ZC3H4: variants seen among roughly 807,000 people sequenced by gnomAD.
The protein encoded by ZC3H4 is zinc finger CCCH domain-containing protein 4.
A neutral mutation model predicts 108.3 loss-of-function variants in ZC3H4; 13 were observed. The observed-to-expected ratio is 0.12, with a 90% CI of 0.08 to 0.19. The LOEUF (loss-of-function observed/expected upper bound fraction) is 0.19, where lower values mean the gene tolerates loss of function less well. ZC3H4 is among the 10% of genes least tolerant of loss of function. The pLI is 1.00. For synonymous variants in ZC3H4, 917 were observed against 749.6 expected, an observed-to-expected ratio of 1.22 and a Z score of -3.65; for missense variants, 1,734 against 1,838.8, an observed-to-expected ratio of 0.94 and a Z score of 1.04.
intron 11 of ZC3H4, among the ~76,000 whole-genome samples, chr19:47,076,426 G>A (rs1305531325): frequency 1.3e-5 from 2 of 152,228 alleles, no homozygotes; most frequent in Non-Finnish European, 2.9e-5. Context: ...GACAGACCCT[G>A]ATCCACGGTT....
rs987484688 is a variant in ZC3H4 at position 47,086,530 on chromosome 19, CTCGGCT to C, written c.718_723del (p.Ser240_Arg241del). ...CGGCCCCTGTAGCCCCGGCCCCGGC[CTCGGCT>C]GCCTGCATGGAGATTCAGATAGTGA... On this transcript the variant is annotated inframe_deletion and splice_region_variant, in exon 6 of 15. Coordinates refer to ENST00000253048, the MANE Select transcript of ZC3H4 (RefSeq NM_015168.2). 6 of 1,587,800 alleles carry C rather than the reference CTCGGCT, an allele frequency of 3.8e-6. No individual in the cohort carries two copies. Among genetic ancestry groups the C allele is most frequent in the Non-Finnish European group, 5.1e-6 (6 of 1,173,634 alleles).
At chr19:47,073,140 G>A (rs1406599511) in intron 11 of ZC3H4, among the ~76,000 whole-genome samples, 1 of 151,906 alleles carries the variant, frequency 6.6e-6, no homozygotes, top group Non-Finnish European at 1.5e-5. Context: ...AGGCATGGTA[G>A]TGCACGCCTG....
Position 47,112,439 on chromosome 19 carries a change from G to A in ZC3H4, c.146C>T (p.Pro49Leu), listed in dbSNP as rs1240623298. ...GGGGCCTGACCTGTCGTCAGGGAGC[G>A]GGAGGCGGTGGTGGAGGAGGTGCGG... is the stretch of plus-strand genomic sequence containing the variant. Reference protein sequence around the residue: ...ATPHLLHHRLPLPDDREDGEL... With the variant: ...ATPHLLHHRLLLPDDREDGEL... Residue 49 changes from proline to leucine, a missense_variant, in exon 2 of 15, where the codon CCG (proline) becomes CTG (leucine). Coordinates refer to ENST00000253048, the MANE Select transcript of ZC3H4 (RefSeq NM_015168.2). 4.9e-6 allele frequency: 6 copies of A among 1,236,692 alleles called. No individual in the cohort carries two copies. The highest frequency in any genetic ancestry group is 1.6e-5 in the African/African-American group (1 of 64,348). The allele number at this position is 1,236,692 out of a possible 1,614,324, so 76.6% of individuals were successfully genotyped here. A position where few individuals can be genotyped will look rare whatever the true frequency, so the allele number is the denominator to read the frequency against.
At chr19:47,081,776 G>A (rs1287031752) in intron 10 of ZC3H4, among the ~76,000 whole-genome samples, 154 bp from the exon 11 acceptor site, 1 of 152,126 alleles carries the variant, frequency 6.6e-6, no homozygotes, top group African/African-American at 2.4e-5. Context: ...CAGTGGGTTG[G>A]CAGGAAATCC....
chr19:47,086,013 G>A (rs184329365), intron 6 of ZC3H4, among the ~76,000 whole-genome samples: 5 of 152,072 alleles, frequency 3.3e-5, no homozygotes, highest in East Asian at 3.9e-4. Flanking sequence ...GACTACAGGC[G>A]CGTGCTACCA....
At chr19:47,087,899 C>T (rs1255811404) in intron 5 of ZC3H4, among the ~76,000 whole-genome samples, 1 of 151,828 alleles carries the variant, frequency 6.6e-6, no homozygotes, top group Middle Eastern at 3.2e-3. Context: ...ATAGGCTGGG[C>T]GCGGTGGCTC....
intron 2 of ZC3H4, among the ~76,000 whole-genome samples, chr19:47,108,850 C>A (rs1600117179): frequency 6.6e-6 from 1 of 151,898 alleles, no homozygotes; most frequent in South Asian, 2.1e-4. Flanking sequence ...TTTGGGGAAC[C>A]GCATTTTTTT....
chr19:47,105,668 A>C (rs529047308), intron 2 of ZC3H4, among the ~76,000 whole-genome samples: 9 of 152,184 alleles, frequency 5.9e-5, no homozygotes, highest in Non-Finnish European at 1.3e-4. Context: ...CTTTGGCCCG[A>C]GAATCATAGT....
intron 2 of ZC3H4, chr19:47,112,196 A>C: frequency 8.4e-7 from 1 of 1,192,146 alleles, no homozygotes; most frequent in Non-Finnish European, 1.0e-6. Flanking sequence ...AGCGAGGGAG[A>C]GCGGGCGAGC....
Position 47,067,774 on chromosome 19 carries a change from G to T in ZC3H4, c.2494C>A (p.Pro832Thr), listed in dbSNP as rs1315354588. Reference protein sequence around the residue: ...KTLRQQTSSRPPASVGELSSS... With the variant: ...KTLRQQTSSRTPASVGELSSS... ...CTCAGCTCCCCAACTGAAGCCGGGGGTCGGCTGGACGTCTGCTGCCTCAAG... is the reference window on the plus strand; with the variant it reads ...CTCAGCTCCCCAACTGAAGCCGGGGTTCGGCTGGACGTCTGCTGCCTCAAG... The change falls in exon 15 of 15, where the codon CCC becomes ACC. Residue 832 changes from proline to threonine, a missense_variant. By Grantham distance (38) the Pro-to-Thr change is conservative. Around this residue, in one of 9 missense-constraint regions of ZC3H4, gnomAD observed 540 missense variants for 484.1 expected, o/e 1.12. Transcript: ENST00000253048. This position sits in a 1 kb window ranked among gnomAD's most constrained non-coding sequence, Gnocchi z 6.4. 7 of 1,609,470 alleles carry T rather than the reference G, an allele frequency of 4.3e-6. No homozygotes were observed. The highest frequency in any genetic ancestry group is 1.3e-5 in the African/African-American group (1 of 74,892).
chr19:47,072,062 G>A lies in ZC3H4; in HGVS notation c.1862C>T (p.Pro621Leu), dbSNP rs941645888. Residue 621 changes from proline (P) to leucine (L), a missense_variant, in exon 13 of 15, where the codon CCA (proline) becomes CTA (leucine). Transcript: ENST00000253048. This position sits in a 1 kb window ranked among gnomAD's most constrained non-coding sequence, Gnocchi z 5.6. ...PMGPGPNMGP[P>L]GPMGGPMHPD... ...ATGCATTGGACCGCCCATTGGCCCT[G>A]GGGGTCCCATGTTGGGCCCAGGGCC... is the stretch of plus-strand genomic sequence containing the variant. The A allele has an allele frequency of 5.1e-6, 8 of 1,581,684 alleles. No homozygotes were observed. Among genetic ancestry groups the A allele is most frequent in the Non-Finnish European group, 6.9e-6 (8 of 1,163,818 alleles).
intron 5 of ZC3H4, among the ~76,000 whole-genome samples, chr19:47,088,635 G>C (rs942481069): frequency 1.3e-5 from 2 of 151,834 alleles, no homozygotes; most frequent in African/African-American, 4.8e-5. Flanking sequence ...TCCAGGATGG[G>C]TGACAGAGCA....
intron 4 of ZC3H4, among the ~76,000 whole-genome samples, chr19:47,090,826 C>A (rs1011469810): frequency 3.9e-5 from 6 of 152,090 alleles, no homozygotes; most frequent in African/African-American, 1.4e-4. Context: ...GTATCAATAC[C>A]GGCTCATCAA....
intron 2 of ZC3H4, chr19:47,112,081 C>G (rs1033911163): frequency 7.2e-5 from 72 of 1,003,908 alleles, no homozygotes; most frequent in Non-Finnish European, 8.2e-5. Flanking sequence ...CTCCGCAGCA[C>G]CCCCCACGGC....
chr19:47,110,560 A>G (rs1056948349), intron 2 of ZC3H4, among the ~76,000 whole-genome samples: 1 of 152,216 alleles, frequency 6.6e-6, no homozygotes, highest in South Asian at 2.1e-4. Context: ...ACTTTGGTCT[A>G]AAGGCGAGGA....
At position 47,084,379 on chromosome 19, in the gene ZC3H4, A is replaced by G. The variant is rs768796436; in HGVS notation, c.1184T>C (p.Ile395Thr). ...GCGCCCTTCCACGAAGTACTTGCAA[A>G]TGACTTTGCCTTTCTTGTCCGACTG... is the stretch of plus-strand genomic sequence containing the variant. ...HQQSDKKGKV[I>T]CKYFVEGRCT... is the part of the protein sequence containing the mutation. The change falls in exon 9 of 15, where the codon ATT (isoleucine) becomes ACT (threonine). Residue 395 changes from isoleucine (I) to threonine (T), a missense_variant. Ile to Thr is a moderately conservative substitution (Grantham distance 89, BLOSUM62 -1). Around this residue, in one of 9 missense-constraint regions of ZC3H4, gnomAD observed 66 missense variants for 166.8 expected, o/e 0.40. Transcript: ENST00000253048. The G allele has an allele frequency of 6.2e-7, 1 of 1,614,134 alleles. No homozygotes were observed. The highest frequency in any genetic ancestry group is 8.5e-7 in the Non-Finnish European group (1 of 1,180,018).
chr19:47,100,543 C>G (rs948472476), intron 2 of ZC3H4, among the ~76,000 whole-genome samples: 1 of 151,698 alleles, frequency 6.6e-6, no homozygotes, highest in East Asian at 1.9e-4. Flanking sequence ...CAACATAAGA[C>G]AGTCTACCCA....
chr19:47,074,114 C>G (rs1167808575), intron 11 of ZC3H4, among the ~76,000 whole-genome samples: 1 of 152,182 alleles, frequency 6.6e-6, no homozygotes, highest in Non-Finnish European at 1.5e-5. Flanking sequence ...CTCTCCCCTA[C>G]AGGGCCAGGA....
intron 2 of ZC3H4, among the ~76,000 whole-genome samples, chr19:47,109,852 T>C (rs1461098452): frequency 6.6e-6 from 1 of 152,194 alleles, no homozygotes; most frequent in Non-Finnish European, 1.5e-5. Flanking sequence ...ACGTGTTTTG[T>C]CTTTTAACGG....
Sources: gnomAD v4.1 joint callset for allele counts (sites outside exome capture counted in the v4.1 genomes callset) on GRCh38, gnomAD v4.1.1 for gene constraint, gnomAD v4.1.1 regional missense constraint, Gnocchi (gnomAD v3.1) non-coding constraint, MANE v1.5 for transcripts, NCBI Gene and HGNC (gene_info 2026-07-23, HGNC 2026-07-21) for gene names.